Variants in CSMD1 observed in about 807,000 individuals in gnomAD.
CSMD1 encodes the protein CUB and sushi domain-containing protein 1.
In CSMD1, 213 loss-of-function variants were observed where a neutral mutation model predicts 417.5. The ratio of observed to expected loss-of-function variants is 0.51; its 90% CI spans 0.46 to 0.57. The LOEUF (loss-of-function observed/expected upper bound fraction) is 0.57, where lower values mean the gene tolerates loss of function less well. CSMD1 is among the 20% of genes least tolerant of loss of function. CSMD1 has a pLI of 0.00. For synonymous variants in CSMD1, 2,862 were observed against 1,736.8 expected, an observed-to-expected ratio of 1.65 and a Z score of -16.11; for missense variants, 6,923 against 4,529.7, an observed-to-expected ratio of 1.53 and a Z score of -15.17.
intron 1 of CSMD1, among the ~76,000 whole-genome samples, chr8:4,640,403 G>T (rs1163979736): frequency 6.6e-6 from 1 of 152,196 alleles, no homozygotes; most frequent in Non-Finnish European, 1.5e-5. Context: ...CGTGATTAAA[G>T]CAGTGTTTGA....
chr8:3,890,372 T>C (rs77513747), intron 5 of CSMD1, among the ~76,000 whole-genome samples: 2,041 of 152,140 alleles, frequency 0.013, 41 homozygotes, highest in African/African-American at 0.043. Flanking sequence ...TGGTAGGTAT[T>C]TTAATAGACT....
intron 3 of CSMD1, among the ~76,000 whole-genome samples, chr8:4,408,750 T>C (rs989306468): frequency 1.3e-5 from 2 of 152,174 alleles, no homozygotes; most frequent in African/African-American, 2.4e-5. Flanking sequence ...AGAGTATCTA[T>C]TGTGCAGGTG....
At chr8:3,069,362 A>G (rs900997110) in intron 49 of CSMD1, among the ~76,000 whole-genome samples, 2 of 151,896 alleles carry the variant, frequency 1.3e-5, no homozygotes, top group Non-Finnish European at 2.9e-5. Flanking sequence ...TTGAAACTGG[A>G]AGGTGGAGGT....
chr8:4,397,735 A>T lies in CSMD1; in HGVS notation c.415+22218T>A, dbSNP rs564205484. Among the ~76,000 whole-genome samples the T allele has an allele frequency of 1.2e-3, 175 of 152,110 alleles. 1 individual carries two copies. The highest frequency in any genetic ancestry group is 4.0e-3 in the African/African-American group (166 of 41,532). ...AACTAGATTTGAATCTCAAAATACA[A>T]ATATGTTTGAATAACAAAGACATGA... On this transcript the variant is annotated intron_variant, in intron 3 of 69. Coordinates refer to ENST00000635120, the MANE Select transcript of CSMD1 (RefSeq NM_033225.6).
Position 4,827,894 on chromosome 8 carries a change from T to C in CSMD1, c.85+166438A>G, listed in dbSNP as rs1799928961. ...TTAATCTTTCTCGTCCTCAAGCAAC[T>C]GCTTGAAATACAATGAAAAATGTCA... On this transcript the variant is annotated intron_variant, in intron 1 of 69. Coordinates refer to ENST00000635120, the MANE Select transcript of CSMD1 (RefSeq NM_033225.6). Among the ~76,000 whole-genome samples the C allele has an allele frequency of 7.9e-5, 12 of 152,326 alleles. 1 individual carries two copies. The South Asian group carries it at 2.5e-3, about 32-fold the overall frequency.
At chr8:3,618,741 G>A (rs761742873) in intron 7 of CSMD1, among the ~76,000 whole-genome samples, 24 of 152,088 alleles carry the variant, frequency 1.6e-4, no homozygotes, top group African/African-American at 5.1e-4. Flanking sequence ...CCAAGCAAAT[G>A]CCCAATGAAG....
intron 1 of CSMD1, among the ~76,000 whole-genome samples, chr8:4,877,967 A>C (rs1803153087): frequency 6.6e-6 from 1 of 152,080 alleles, no homozygotes; most frequent in Admixed American, 6.5e-5. Context: ...TAATCCAAAC[A>C]CATATGTATG....
intron 1 of CSMD1, among the ~76,000 whole-genome samples, chr8:4,674,161 G>A (rs556217027): frequency 1.3e-5 from 2 of 152,246 alleles, no homozygotes; most frequent in East Asian, 3.9e-4. Context: ...TAGATGAGGT[G>A]GGAAAATCGA....
At chr8:4,387,129 G>A (rs149427678) in intron 3 of CSMD1, among the ~76,000 whole-genome samples, 1 of 152,264 alleles carries the variant, frequency 6.6e-6, no homozygotes, top group African/African-American at 2.4e-5. Context: ...CTGTAAAACG[G>A]AATGAAGGAA....
intron 6 of CSMD1, among the ~76,000 whole-genome samples, chr8:3,712,798 T>C (rs1163513736): frequency 6.6e-6 from 1 of 152,164 alleles, no homozygotes; most frequent in Non-Finnish European, 1.5e-5. Flanking sequence ...GATTCCTTAG[T>C]AATTCAGATT....
chr8:4,988,440 T>C (rs1811291632), intron 1 of CSMD1, among the ~76,000 whole-genome samples: 1 of 152,200 alleles, frequency 6.6e-6, no homozygotes, highest in African/African-American at 2.4e-5. Flanking sequence ...AAGTTATTTT[T>C]AACAAAAAAA....
At chr8:3,875,841 A>G (rs1805779109) in intron 5 of CSMD1, among the ~76,000 whole-genome samples, 1 of 152,222 alleles carries the variant, frequency 6.6e-6, no homozygotes, top group African/African-American at 2.4e-5. Context: ...AGATCAATCA[A>G]GGATTGCCTT....
At chr8:4,156,515 G>A (rs1460629960) in intron 3 of CSMD1, among the ~76,000 whole-genome samples, 1 of 152,108 alleles carries the variant, frequency 6.6e-6, no homozygotes. Flanking sequence ...GTGTAATAAA[G>A]TAAGTTCCTC....
intron 21 of CSMD1, among the ~76,000 whole-genome samples, chr8:3,353,548 C>G (rs1425187064): frequency 1.3e-5 from 2 of 152,168 alleles, no homozygotes; most frequent in Admixed American, 1.3e-4. Context: ...GCTCCAGACC[C>G]TGGGGCAGTA....
intron 1 of CSMD1, among the ~76,000 whole-genome samples, chr8:4,968,485 T>A (rs1385096885): frequency 6.6e-6 from 1 of 152,112 alleles, no homozygotes; most frequent in African/African-American, 2.4e-5. Flanking sequence ...TAGATTAAGA[T>A]ATAGGAAAAT....
intron 4 of CSMD1, among the ~76,000 whole-genome samples, chr8:4,014,655 A>G (rs1796436455): frequency 6.6e-6 from 1 of 152,210 alleles, no homozygotes; most frequent in South Asian, 2.1e-4. Context: ...TCTTAGCAAG[A>G]AAAGAGCTCG....
intron 22 of CSMD1, among the ~76,000 whole-genome samples, chr8:3,343,963 T>G (rs1225287716): frequency 6.6e-6 from 1 of 152,168 alleles, no homozygotes. Flanking sequence ...AAGCCTCCGG[T>G]GGCTTTCATC....
chr8:3,420,449 C>G (rs1813415009), intron 12 of CSMD1, among the ~76,000 whole-genome samples: 1 of 150,078 alleles, frequency 6.7e-6, no homozygotes, highest in South Asian at 2.1e-4. Flanking sequence ...CCATGGAAAT[C>G]TGAATAAAAT....
intron 5 of CSMD1, among the ~76,000 whole-genome samples, chr8:3,832,321 T>C (rs1802424607): frequency 6.6e-6 from 1 of 152,204 alleles, no homozygotes; most frequent in Non-Finnish European, 1.5e-5. Flanking sequence ...GCAATGATGT[T>C]CCTTGTTCAA....
Sources: gnomAD v4.1 joint callset for allele counts (sites outside exome capture counted in the v4.1 genomes callset) on GRCh38, gnomAD v4.1.1 for gene constraint, MANE v1.5 for transcripts, NCBI Gene and HGNC (gene_info 2026-07-23, HGNC 2026-07-21) for gene names.